Variants in SORL1 observed in about 807,000 individuals in gnomAD.
SORL1 encodes the protein sortilin related receptor 1.
SORL1 carries 127 observed loss-of-function variants against 273.7 expected under a neutral mutation model. That is an observed-to-expected ratio of 0.46 (90% CI 0.40 to 0.54). The LOEUF (loss-of-function observed/expected upper bound fraction) is 0.54, where lower values mean the gene tolerates loss of function less well. SORL1 is among the 20% of genes least tolerant of loss of function. SORL1 has a pLI of 0.00. For synonymous variants in SORL1, 1,031 were observed against 1,067.4 expected (o/e 0.97, Z 0.66); for missense variants, 2,494 against 2,846.1 (o/e 0.88, Z 2.81).
chr11:121,569,899 T>G lies in SORL1; in HGVS notation c.3224-258T>G, dbSNP rs142932727. 9.8e-5 allele frequency among the ~76,000 whole-genome samples: 15 copies of G among 152,290 alleles called. No homozygotes were observed. The East Asian group carries it at 2.9e-3, about 29-fold the overall frequency. ...GGGGGCATCACGGAACCTGCCGACA[T>G]GTGATGTCTCCCCAGACACCCAGCT... On this transcript the variant is annotated intron_variant, in intron 22 of 47. Transcript: ENST00000260197.
chr11:121,500,275 A>G (rs4936634), intron 6 of SORL1, among the ~76,000 whole-genome samples: 6,266 of 152,328 alleles, frequency 0.041, 196 homozygotes, highest in Non-Finnish European at 0.054. Flanking sequence ...ACAACCTCAT[A>G]ACCTCACTAC....
At chr11:121,597,456 G>GTT (rs1239492916) in intron 32 of SORL1, among the ~76,000 whole-genome samples, 66 of 140,296 alleles carry the variant, frequency 4.7e-4, no homozygotes, top group African/African-American at 1.6e-3. Context: ...GTGTTTGTTT[G>GTT]TTTTTTTTTT....
intron 7 of SORL1, among the ~76,000 whole-genome samples, 193 bp downstream of exon 7, chr11:121,513,297 C>T (rs896234167): frequency 9.9e-5 from 15 of 152,130 alleles, no homozygotes; most frequent in Admixed American, 2.0e-4. Context: ...CAGAGCTGAA[C>T]GAGAGACTTA....
At chr11:121,519,332 C>T (rs571030488) in intron 8 of SORL1, among the ~76,000 whole-genome samples, 3 of 152,164 alleles carry the variant, frequency 2.0e-5, no homozygotes, top group South Asian at 2.1e-4. Context: ...ATCATTTTAG[C>T]GCAAAACCAC....
intron 12 of SORL1, among the ~76,000 whole-genome samples, chr11:121,539,126 C>A (rs567557388): frequency 3.3e-5 from 5 of 152,226 alleles, no homozygotes; most frequent in Non-Finnish European, 5.9e-5. Context: ...TCAAACCATA[C>A]GTCAGCACTC....
Position 121,612,849 on chromosome 11 carries a change from G to A in SORL1, c.5419+17G>A. On this transcript the variant is annotated intron_variant, in intron 40 of 47. Coordinates refer to ENST00000260197, the MANE Select transcript of SORL1 (RefSeq NM_003105.6). Reference sequence around the variant, plus strand: ...CACACAAAGGTAACACTTTGGTGCTGGTCAGTGTGTGTGCAGGAAGGGGTA... The same window carrying A: ...CACACAAAGGTAACACTTTGGTGCTAGTCAGTGTGTGTGCAGGAAGGGGTA... The A allele has an allele frequency of 6.3e-7, 1 of 1,576,732 alleles. No homozygotes were observed. The highest frequency in any genetic ancestry group is 8.7e-7 in the Non-Finnish European group (1 of 1,146,428).
At chr11:121,465,245 T>C (rs1479039483) in intron 1 of SORL1, among the ~76,000 whole-genome samples, 1 of 152,260 alleles carries the variant, frequency 6.6e-6, no homozygotes, top group Non-Finnish European at 1.5e-5. Context: ...ACATTTCATA[T>C]AAATGGTGTC....
At chr11:121,500,889 C>T (rs964122720) in intron 6 of SORL1, among the ~76,000 whole-genome samples, 2 of 152,218 alleles carry the variant, frequency 1.3e-5, no homozygotes, top group Middle Eastern at 3.2e-3. Context: ...ATGATTCTGA[C>T]TAAGCAACCA....
intron 11 of SORL1, 81 bp downstream of exon 11, chr11:121,523,070 G>T: frequency 1.0e-6 from 1 of 969,272 alleles, no homozygotes. Context: ...TGGCATTTCA[G>T]GGACACAAAT....
chr11:121,475,030 G>A (rs749478941), intron 2 of SORL1, among the ~76,000 whole-genome samples: 5 of 152,190 alleles, frequency 3.3e-5, no homozygotes, highest in African/African-American at 4.8e-5. Context: ...GCTGACGTGC[G>A]TAGATTGCTT....
chr11:121,586,393 T>G, intron 27 of SORL1, 64 bp downstream of exon 27: 1 of 1,203,900 alleles, frequency 8.3e-7, no homozygotes, highest in Non-Finnish European at 1.2e-6. Flanking sequence ...AGAGCGTATA[T>G]TGGACTAAAT....
At chr11:121,545,131 G>T in intron 13 of SORL1, 112 bp from the exon 14 acceptor site, 5 of 920,992 alleles carry the variant, frequency 5.4e-6, no homozygotes, top group Non-Finnish European at 8.5e-6. Flanking sequence ...TGCTTGCGGG[G>T]TGGCAACAGA....
At chr11:121,501,367 C>G (rs1861705574) in intron 6 of SORL1, among the ~76,000 whole-genome samples, 1 of 152,164 alleles carries the variant, frequency 6.6e-6, no homozygotes. Flanking sequence ...ATACCCATTA[C>G]CATTACTTCC....
At chr11:121,541,932 C>A (rs1345216662) in intron 12 of SORL1, among the ~76,000 whole-genome samples, 1 of 152,180 alleles carries the variant, frequency 6.6e-6, no homozygotes, top group East Asian at 1.9e-4. Flanking sequence ...TATATACTTT[C>A]CTTCAACTTT....
At chr11:121,555,966 G>T (rs1039621591) in intron 18 of SORL1, among the ~76,000 whole-genome samples, 1 of 152,180 alleles carries the variant, frequency 6.6e-6, no homozygotes, top group African/African-American at 2.4e-5. Context: ...AGTGGGAAGT[G>T]CAGTAGAAGC....
intron 16 of SORL1, among the ~76,000 whole-genome samples, chr11:121,551,400 T>G (rs932819811): frequency 4.6e-5 from 7 of 152,254 alleles, no homozygotes; most frequent in Non-Finnish European, 8.8e-5. Context: ...TATAAAGGTA[T>G]AGTGTGTTCT....
rs994396336 is a variant in SORL1, at chr11:121,471,978, T to C, written c.402+1855T>C. ...AAAAGCTGTGGCCACCACAGACAGC[T>C]GTGTCTGAATGCCTTTGGTGGCCGG... On this transcript the variant is annotated intron_variant, in intron 2 of 47. Transcript: ENST00000260197. Among the ~76,000 whole-genome samples, 8 of 152,308 alleles carry C rather than the reference T, an allele frequency of 5.3e-5. No individual in the cohort carries two copies. In the South Asian group the frequency reaches 1.0e-3, roughly 20 times the overall value.
At chr11:121,497,901 C>G (rs754094551) in intron 6 of SORL1, among the ~76,000 whole-genome samples, 5 of 152,166 alleles carry the variant, frequency 3.3e-5, no homozygotes, top group Admixed American at 3.3e-4. Context: ...CAGACGTAAT[C>G]TTTTCCTTCA....
intron 25 of SORL1, among the ~76,000 whole-genome samples, chr11:121,583,011 C>T (rs527490732): frequency 6.6e-6 from 1 of 152,318 alleles, no homozygotes; most frequent in African/African-American, 2.4e-5. Context: ...TATTTCTCAG[C>T]ATCTGGATGA....
Sources: allele counts gnomAD v4.1 joint callset (sites outside exome capture counted in the v4.1 genomes callset), GRCh38; gene constraint gnomAD v4.1.1; transcripts MANE v1.5; gene names NCBI Gene and HGNC (gene_info 2026-07-23, HGNC 2026-07-21).